Variants in PDE8A observed in about 807,000 individuals in gnomAD.
The protein encoded by PDE8A is high affinity cAMP-specific and IBMX-insensitive 3',5'-cyclic phosphodiesterase 8A.
PDE8A carries 59 observed loss-of-function variants against 105.0 expected under a neutral mutation model. That is an observed-to-expected ratio of 0.56 (90% CI 0.46 to 0.70). The LOEUF (loss-of-function observed/expected upper bound fraction) is 0.70, where lower values mean the gene tolerates loss of function less well. Ranked by LOEUF, PDE8A falls within the 30% of genes least tolerant of loss-of-function variation. The pLI, the probability that PDE8A is intolerant of heterozygous loss-of-function variation, is 0.00. For missense variants in PDE8A, 1,014 were observed against 1,045.9 expected, an observed-to-expected ratio of 0.97 and a Z score of 0.42; for synonymous variants, 355 against 371.9, an observed-to-expected ratio of 0.95 and a Z score of 0.52.
chr15:85,123,337 T>TACACACACACACACACAC lies in PDE8A; in HGVS notation c.2085+176_2085+193dup, dbSNP rs58421452. On this transcript the variant is annotated intron_variant, in intron 19 of 21. Coordinates refer to ENST00000394553, the MANE Select transcript of PDE8A (RefSeq NM_002605.3). ...TCTTACAGGGACAGAACTAATGGGA[T>TACACACACACACACACAC]ACACACACACACACACACACACACA... 391 of 330,398 alleles carry TACACACACACACACACAC rather than the reference T, an allele frequency of 1.2e-3. 4 individuals are homozygous for TACACACACACACACACAC. The highest frequency in any genetic ancestry group is 3.7e-3 in the African/African-American group (147 of 39,936). The allele number at this position is 330,398 out of a possible 1,614,324, so 20.5% of individuals were successfully genotyped here. A position where few individuals can be genotyped will look rare whatever the true frequency, so the allele number is the denominator to read the frequency against.
At chr15:85,130,690 T>C (rs1209128566) in intron 20 of PDE8A, among the ~76,000 whole-genome samples, 2 of 152,222 alleles carry the variant, frequency 1.3e-5, no homozygotes, top group Non-Finnish European at 2.9e-5. Context: ...TGTTTCTTCC[T>C]TCAGTTCTAT....
intron 8 of PDE8A, among the ~76,000 whole-genome samples, chr15:85,094,840 C>T (rs1311963783): frequency 2.6e-5 from 4 of 152,286 alleles, no homozygotes; most frequent in Admixed American, 2.0e-4. Flanking sequence ...CATCTCCACT[C>T]GGTCCACCAT....
intron 16 of PDE8A, among the ~76,000 whole-genome samples, chr15:85,116,868 C>A (rs1270511376): frequency 6.6e-6 from 1 of 152,210 alleles, no homozygotes; most frequent in Non-Finnish European, 1.5e-5. Context: ...CCAGCACAGC[C>A]AAGGAGAGTT....
At chr15:84,995,131 C>T (rs1433106559) in intron 1 of PDE8A, among the ~76,000 whole-genome samples, 5 of 152,170 alleles carry the variant, frequency 3.3e-5, no homozygotes, top group East Asian at 3.9e-4. Context: ...TTTTGACAAA[C>T]GCATACATAT....
intron 8 of PDE8A, among the ~76,000 whole-genome samples, chr15:85,095,370 G>A (rs1387333965): frequency 6.6e-6 from 1 of 152,040 alleles, no homozygotes; most frequent in Non-Finnish European, 1.5e-5. Context: ...TCAAGACAGA[G>A]TCTCACTCTG....
At chr15:85,122,937 C>T (rs1418251004) in intron 18 of PDE8A, 124 bp from the exon 19 acceptor site, 1 of 958,240 alleles carries the variant, frequency 1.0e-6, no homozygotes, top group East Asian at 2.4e-5. Flanking sequence ...TGCCTTGTGG[C>T]TTTCAGTGGC....
intron 1 of PDE8A, among the ~76,000 whole-genome samples, chr15:85,005,685 CAAATG>C (rs1269441614): frequency 2.0e-5 from 3 of 152,152 alleles, no homozygotes; most frequent in Non-Finnish European, 4.4e-5. Flanking sequence ...CCTGTGGTGA[CAAATG>C]AAAACTGTGA....
At chr15:84,983,924 G>A (rs948134731) in intron 1 of PDE8A, among the ~76,000 whole-genome samples, 11 of 152,226 alleles carry the variant, frequency 7.2e-5, no homozygotes, top group Admixed American at 2.6e-4. Context: ...TCGCAGTGCC[G>A]TTAGGTCCCT....
chr15:85,071,620 G>A (rs1344837458), intron 3 of PDE8A, among the ~76,000 whole-genome samples: 1 of 152,182 alleles, frequency 6.6e-6, no homozygotes, highest in African/African-American at 2.4e-5. Context: ...ATGCCTGCTG[G>A]CAGTGTTCTC....
At chr15:85,020,239 T>A (rs1204828470) in intron 1 of PDE8A, among the ~76,000 whole-genome samples, 4 of 152,200 alleles carry the variant, frequency 2.6e-5, no homozygotes, top group Non-Finnish European at 4.4e-5. Context: ...GAGTAGTGTT[T>A]TGAAGTCCTT....
At position 85,138,204 on chromosome 15, in the gene PDE8A, G is replaced by A. The variant is rs910480948; in HGVS notation, c.*301G>A. The A allele has an allele frequency of 1.2e-5, 3 of 260,582 alleles. No homozygotes were observed. The highest frequency in any genetic ancestry group is 1.1e-4 in the South Asian group (1 of 9,472). 16.1% of individuals were successfully genotyped at this position (260,582 alleles called of 1,614,324 possible). A position where few individuals can be genotyped will look rare whatever the true frequency, so the allele number is the denominator to read the frequency against. On this transcript the variant is annotated 3_prime_UTR_variant, in exon 22 of 22. Coordinates refer to ENST00000394553, the MANE Select transcript of PDE8A (RefSeq NM_002605.3). ...CAAGGTCTGGAGTGCCCCTGCAAAG[G>A]GTATTGATGGACTTCCTGCCAGTGA...
At chr15:84,995,055 T>A (rs947633180) in intron 1 of PDE8A, among the ~76,000 whole-genome samples, 1 of 152,226 alleles carries the variant, frequency 6.6e-6, no homozygotes, top group African/African-American at 2.4e-5. Flanking sequence ...TTGCTTAGGT[T>A]TTTTCCTTTT....
At chr15:85,099,951 T>G (rs959123795) in intron 9 of PDE8A, 64 bp from the exon 10 acceptor site, 30 of 1,350,860 alleles carry the variant, frequency 2.2e-5, no homozygotes, top group Non-Finnish European at 3.1e-5. Flanking sequence ...TAATGAAAAA[T>G]TAACGACATA....
intron 8 of PDE8A, among the ~76,000 whole-genome samples, chr15:85,096,318 G>A (rs1207804968): frequency 6.6e-6 from 1 of 152,028 alleles, no homozygotes; most frequent in Non-Finnish European, 1.5e-5. Flanking sequence ...TGATAGCTGG[G>A]CATGGTGGTA....
chr15:85,126,161 AC>A (rs1446869491), intron 19 of PDE8A, 45 bp from the exon 20 acceptor site: 22 of 1,472,248 alleles, frequency 1.5e-5, no homozygotes, highest in Admixed American at 1.8e-5. Flanking sequence ...AGGGCTTGGC[AC>A]CAAGGGATCC....
At chr15:85,122,872 T>C (rs989735506) in intron 18 of PDE8A, among the ~76,000 whole-genome samples, 189 bp from the exon 19 acceptor site, 7 of 152,224 alleles carry the variant, frequency 4.6e-5, no homozygotes, top group African/African-American at 1.7e-4. Context: ...CTTTTGAGGT[T>C]CTCCTTGCTA....
Position 85,133,951 on chromosome 15 carries a change from G to A in PDE8A, c.2254-2583G>A, listed in dbSNP as rs80148329. ...AGGTGTTGTACAGTCTTTTATTTTCGCTTGGGGCACAGCGGTGAAATGTGA... is the reference window on the plus strand; with the variant it reads ...AGGTGTTGTACAGTCTTTTATTTTCACTTGGGGCACAGCGGTGAAATGTGA... On this transcript the variant is annotated intron_variant, in intron 20 of 21. Coordinates refer to ENST00000394553, the MANE Select transcript of PDE8A (RefSeq NM_002605.3). 4.2e-3 allele frequency among the ~76,000 whole-genome samples: 635 copies of A among 152,198 alleles called. 1 individual carries two copies. Among genetic ancestry groups the A allele is most frequent in the African/African-American group, 0.014 (597 of 41,520 alleles).
At position 85,126,266 on chromosome 15, in the gene PDE8A, C is replaced by G. The variant is rs1367235932; in HGVS notation, c.2145C>G (p.Thr715=). The G allele has an allele frequency of 1.9e-6, 3 of 1,612,612 alleles. No individual in the cohort carries two copies. In the Admixed American group the frequency reaches 5.0e-5, roughly 27 times the overall value. Residue 715 remains threonine (T), a synonymous_variant, in exon 20 of 22, where the codon ACC becomes ACG. Transcript: ENST00000394553. ...TGCTTAGGACTCCAGAGAACCGGACCCTAATCAAACGAATGCTGATTAAAT... is the reference window on the plus strand; with the variant it reads ...TGCTTAGGACTCCAGAGAACCGGACGCTAATCAAACGAATGCTGATTAAAT... ...NTMLRTPENR[T]LIKRMLIKCA... is the part of the protein sequence containing the mutation.
chr15:84,988,022 A>G (rs62022527), intron 1 of PDE8A, among the ~76,000 whole-genome samples: 30,362 of 152,170 alleles, frequency 0.2, 3,992 homozygotes, highest in Middle Eastern at 0.34. Flanking sequence ...CAAACTATTC[A>G]TATTAATAAT....
Sources: gnomAD v4.1 joint callset for allele counts (sites outside exome capture counted in the v4.1 genomes callset) on GRCh38, gnomAD v4.1.1 for gene constraint, MANE v1.5 for transcripts, NCBI Gene and HGNC (gene_info 2026-07-23, HGNC 2026-07-21) for gene names.